Variants in ZDHHC24 observed in about 807,000 individuals in gnomAD.
ZDHHC24 encodes zDHHC palmitoyltransferase 24, also known as probable palmitoyltransferase ZDHHC24.
Under a neutral mutation model 23.2 loss-of-function variants are expected in ZDHHC24, and 17 were observed. The observed-to-expected ratio is 0.73, with a 90% CI of 0.50 to 1.10. ZDHHC24 has a LOEUF of 1.10. ZDHHC24 is among the 50% of genes least tolerant of loss of function. ZDHHC24 has a pLI of 0.00. For synonymous variants in ZDHHC24, 186 were observed against 194.5 expected (o/e 0.96, Z 0.36); for missense variants, 366 against 393.0 (o/e 0.93, Z 0.58).
intron 4 of ZDHHC24, among the ~76,000 whole-genome samples, chr11:66,525,199 C>CAA (rs1202954773): frequency 0.02 from 1,671 of 83,408 alleles, 55 homozygotes; most frequent in African/African-American, 0.07. Context: ...GACTCCATCT[C>CAA]AAAAAAAAAA....
rs542330831 is a variant in ZDHHC24 at position 66,537,144 on chromosome 11, C to G, written c.*2385G>C. ...AAGCATGTTCTTTCATGGGAGGCCC[C>G]CCAGCAGTATCTATGGACTTTCACT... is the stretch of plus-strand genomic sequence containing the variant. On this transcript the variant is annotated 3_prime_UTR_variant, in exon 3 of 3. Coordinates refer to ENST00000310442, the MANE Select transcript of ZDHHC24 (RefSeq NM_207340.3). 15 of 152,014 alleles carry G rather than the reference C, an allele frequency of 9.9e-5. No individual in the cohort carries two copies. Among genetic ancestry groups the G allele is most frequent in the African/African-American group, 3.6e-4 (15 of 41,538 alleles). 9.4% of individuals were successfully genotyped at this position (152,014 alleles called of 1,614,324 possible).
intron 2 of ZDHHC24, among the ~76,000 whole-genome samples, chr11:66,542,019 G>A (rs1253365724): frequency 6.6e-6 from 1 of 151,972 alleles, no homozygotes; most frequent in Non-Finnish European, 1.5e-5. Context: ...GCCACAGCCT[G>A]AGGCCTCCAA....
At chr11:66,521,210 C>G in exon 5 of ZDHHC24, 1 of 1,296,670 alleles carries the variant, frequency 7.7e-7, no homozygotes, top group South Asian at 1.2e-5. Context: ...GAGTTACTGA[C>G]AGGGCAGGGA....
downstream of ZDHHC24, chr11:66,531,115 G>C (rs1856762647): frequency 1.3e-6 from 2 of 1,562,664 alleles, no homozygotes; most frequent in Admixed American, 3.7e-5. Flanking sequence ...GCCAGGTCAG[G>C]GTCAGAGCGT....
chr11:66,536,345 T>G lies in ZDHHC24; in HGVS notation c.*3184A>C, dbSNP rs976662644. 6.6e-6 allele frequency: 1 copy of G among 152,144 alleles called. No homozygotes were observed. The highest frequency in any genetic ancestry group is 1.5e-5 in the Non-Finnish European group (1 of 68,164). 9.4% of individuals were successfully genotyped at this position (152,144 alleles called of 1,614,324 possible). Reference sequence around the variant, plus strand: ...GCCAAGGTGGGCAGATCACCTGAGGTCAGCAGTTCAAGACCAGCCTGACCA... The same window carrying G: ...GCCAAGGTGGGCAGATCACCTGAGGGCAGCAGTTCAAGACCAGCCTGACCA... On this transcript the variant is annotated 3_prime_UTR_variant, in exon 3 of 3. Coordinates refer to ENST00000310442, the MANE Select transcript of ZDHHC24 (RefSeq NM_207340.3).
At chr11:66,529,176 G>C (rs1856650848) in intron 3 of ZDHHC24, 5 of 1,452,222 alleles carry the variant, frequency 3.4e-6, no homozygotes, top group Non-Finnish European at 2.7e-6. Flanking sequence ...GTCTGGAAGA[G>C]GAGGGACAGT....
At chr11:66,526,229 G>A (rs763778799) in intron 4 of ZDHHC24, 13 of 1,583,980 alleles carry the variant, frequency 8.2e-6, no homozygotes, top group African/African-American at 2.7e-5. Context: ...CTTTGAAGTC[G>A]GGAGTGAAGG....
intron 4 of ZDHHC24, chr11:66,524,295 G>A (rs919112908): frequency 1.2e-5 from 4 of 330,456 alleles, no homozygotes; most frequent in Non-Finnish European, 1.8e-5. Flanking sequence ...AAAAAAAAAT[G>A]TGTTGAGCAC....
Position 66,539,422 on chromosome 11 carries a change from T to G in ZDHHC24, c.*107A>C. 6.5e-6 allele frequency: 9 copies of G among 1,379,362 alleles called. No homozygotes were observed. The East Asian group carries it at 8.4e-5, about 13-fold the overall frequency. 85.4% of individuals were successfully genotyped at this position (1,379,362 alleles called of 1,614,324 possible). ...GGGCAAGGCCAAGGAAGGGGTGGAG[T>G]TGTCCAATGCAGATGTTAAGGTCCA... On this transcript the variant is annotated 3_prime_UTR_variant, in exon 3 of 3. Coordinates refer to ENST00000310442, the MANE Select transcript of ZDHHC24 (RefSeq NM_207340.3).
chr11:66,540,458 G>A lies in ZDHHC24; in HGVS notation c.560-634C>T, dbSNP rs1363568291. The stretch of plus-strand genomic sequence containing the variant: ...AAAAAAAAAAAAAAAGGCCGGACGC[G>A]ATGGCTCGTGCCTGTAATCCCAGTA... On this transcript the variant is annotated intron_variant, in intron 2 of 2. Transcript: ENST00000310442. Among the ~76,000 whole-genome samples, 5 of 148,652 alleles carry A rather than the reference G, an allele frequency of 3.4e-5. No homozygotes were observed. The East Asian group carries it at 8.0e-4, about 24-fold the overall frequency.
At chr11:66,526,384 G>A (rs59642177) in intron 4 of ZDHHC24, among the ~76,000 whole-genome samples, 3 of 152,318 alleles carry the variant, frequency 2.0e-5, no homozygotes, top group Non-Finnish European at 2.9e-5. Context: ...GGCTGGATTC[G>A]ATCTTTCTAG....
rs1565295279 is a variant in ZDHHC24, at chr11:66,538,632, A to G, written c.*897T>C. Reference sequence around the variant, plus strand: ...TGTATTATTTTTGATTTTCTTTACTATCATCTTAGAGAGATCCTAAGAGAA... The same window carrying G: ...TGTATTATTTTTGATTTTCTTTACTGTCATCTTAGAGAGATCCTAAGAGAA... On this transcript the variant is annotated 3_prime_UTR_variant, in exon 3 of 3. Transcript: ENST00000310442. The G allele has an allele frequency of 6.6e-6, 1 of 152,162 alleles. No individual in the cohort carries two copies. Among genetic ancestry groups the G allele is most frequent in the African/African-American group, 2.4e-5 (1 of 41,430 alleles). 9.4% of individuals were successfully genotyped at this position (152,162 alleles called of 1,614,324 possible).
chr11:66,524,271 C>T (rs1856386655), intron 4 of ZDHHC24: 1 of 324,574 alleles, frequency 3.1e-6, no homozygotes, highest in East Asian at 8.0e-5. Flanking sequence ...CAGAGCGAGA[C>T]TCCATCTTAA....
Position 66,536,845 on chromosome 11 carries a change from GCC to G in ZDHHC24, c.*2682_*2683del, listed in dbSNP as rs2134864618. ...ACCAAGATCGCATCATTGCACTCCA[GCC>G]TGGGTAACAAGAGTGAAACTCTGTC... On this transcript the variant is annotated 3_prime_UTR_variant, in exon 3 of 3. Transcript: ENST00000310442. 6 of 151,992 alleles carry G rather than the reference GCC, an allele frequency of 3.9e-5. No homozygotes were observed. In the South Asian group the frequency reaches 1.2e-3, roughly 32 times the overall value. 9.4% of individuals were successfully genotyped at this position (151,992 alleles called of 1,614,324 possible).
Position 66,543,695 on chromosome 11 carries a change from G to C in ZDHHC24, c.559+9C>G, listed in dbSNP as rs1857217759. ...CTGCCTCTGTGCAGAGGCCTCCCAGGCTCCCCACCTGTGAGCAACATGAGC... is the reference window on the plus strand; with the variant it reads ...CTGCCTCTGTGCAGAGGCCTCCCAGCCTCCCCACCTGTGAGCAACATGAGC... On this transcript the variant is annotated intron_variant, in intron 2 of 2. Transcript: ENST00000310442. 2 of 1,566,032 alleles carry C rather than the reference G, an allele frequency of 1.3e-6. No individual in the cohort carries two copies. Among genetic ancestry groups the C allele is most frequent in the Non-Finnish European group, 1.7e-6 (2 of 1,155,012 alleles).
chr11:66,523,317 GTGGAAATAATCCCAGGGTCATCTGCTT>G, intron 4 of ZDHHC24: 1 of 1,207,722 alleles, frequency 8.3e-7, no homozygotes. Context: ...GGTGGCAGAA[GTGGAAATAATCCCAGGGTCATCTGCTT>G]TGGGGCCAGT....
chr11:66,521,549 G>A (rs976660448), intron 4 of ZDHHC24: 3 of 667,992 alleles, frequency 4.5e-6, no homozygotes, highest in Non-Finnish European at 8.1e-6. Context: ...CTGGAGGCTT[G>A]TGAGATAGGG....
chr11:66,529,969 G>T, intron 2 of ZDHHC24: 1 of 1,594,874 alleles, frequency 6.3e-7, no homozygotes, highest in East Asian at 2.3e-5. Context: ...ATCTGGGTGA[G>T]GGCAGAGTCA....
intron 4 of ZDHHC24, chr11:66,523,200 T>C (rs895687565): frequency 2.5e-5 from 15 of 612,044 alleles, no homozygotes; most frequent in African/African-American, 9.1e-5. Flanking sequence ...ATAGTGAAGG[T>C]GGGCGGAAGA....
Sources: allele counts gnomAD v4.1 joint callset (sites outside exome capture counted in the v4.1 genomes callset), GRCh38; gene constraint gnomAD v4.1.1; transcripts MANE v1.5; gene names NCBI Gene and HGNC (gene_info 2026-07-23, HGNC 2026-07-21).